Variants in COG5 observed in about 807,000 individuals in gnomAD.
COG5 encodes the protein component of oligomeric golgi complex 5.
In COG5, 86 loss-of-function variants were observed where a neutral mutation model predicts 110.4. That is an observed-to-expected ratio of 0.78 (90% CI 0.65 to 0.93). The LOEUF (loss-of-function observed/expected upper bound fraction) is 0.93, where lower values mean the gene tolerates loss of function less well. Ranked by LOEUF, COG5 falls within the 40% of genes least tolerant of loss-of-function variation. COG5 has a pLI of 0.00. For synonymous variants in COG5, 360 were observed against 334.6 expected, an observed-to-expected ratio of 1.08 and a Z score of -0.83; for missense variants, 1,077 against 987.0, an observed-to-expected ratio of 1.09 and a Z score of -1.22.
intron 6 of COG5, among the ~76,000 whole-genome samples, chr7:107,415,779 C>CAT: frequency 3.5e-5 from 5 of 141,100 alleles, no homozygotes; most frequent in Non-Finnish European, 4.7e-5. Context: ...TATATACACA[C>CAT]ACATACACGT....
intron 17 of COG5, among the ~76,000 whole-genome samples, chr7:107,241,944 G>T (rs548089800): frequency 6.6e-6 from 1 of 151,942 alleles, no homozygotes; most frequent in Non-Finnish European, 1.5e-5. Context: ...ACGACACCCA[G>T]CTAATTTTTG....
At chr7:107,295,064 C>CATATATATATAT (rs1806588618) in intron 12 of COG5, among the ~76,000 whole-genome samples, 2 of 54,384 alleles carry the variant, frequency 3.7e-5, no homozygotes, top group African/African-American at 2.6e-4. Flanking sequence ...CACACACACA[C>CATATATATATAT]ACATATATAT....
In COG5 at chr7:107,302,640, T is replaced by C. The variant is rs1020784220; in HGVS notation, c.1109-4294A>G. ...ATGCACCATGGGCCTCAAGTAACAC[T>C]ATATGTTCTTTCACGGCATGCCAAT... is the stretch of plus-strand genomic sequence containing the variant. On this transcript the variant is annotated intron_variant, in intron 11 of 21. Transcript: ENST00000297135. Among the ~76,000 whole-genome samples the C allele has an allele frequency of 2.0e-5, 3 of 152,192 alleles. 1 individual carries two copies. The highest frequency in any genetic ancestry group is 4.1e-4 in the South Asian group (2 of 4,824).
chr7:107,520,356 GTC>G (rs1563080059), intron 6 of COG5, among the ~76,000 whole-genome samples: 1 of 152,078 alleles, frequency 6.6e-6, no homozygotes, highest in Admixed American at 6.6e-5. Context: ...AAGTCAAATT[GTC>G]TGTTTCCAGA....
chr7:107,540,630 A>T (rs138951006), intron 5 of COG5, among the ~76,000 whole-genome samples: 135 of 151,006 alleles, frequency 8.9e-4, no homozygotes, highest in Admixed American at 1.8e-3. Flanking sequence ...AAAAAGATCA[A>T]ACTGATTCCA....
At chr7:107,520,076 G>T (rs140013831) in intron 6 of COG5, among the ~76,000 whole-genome samples, 1 of 151,982 alleles carries the variant, frequency 6.6e-6, no homozygotes, top group Non-Finnish European at 1.5e-5. Flanking sequence ...ACAGAAAAGG[G>T]CTCTGATAAA....
chr7:107,368,347 A>G (rs1357338064), intron 8 of COG5, among the ~76,000 whole-genome samples: 1 of 152,136 alleles, frequency 6.6e-6, no homozygotes, highest in Non-Finnish European at 1.5e-5. Context: ...GGGCTAAACT[A>G]TGGTGCTTAA....
intron 10 of COG5, among the ~76,000 whole-genome samples, chr7:107,328,573 A>C (rs1021321142): frequency 1.3e-5 from 2 of 152,186 alleles, no homozygotes; most frequent in African/African-American, 4.8e-5. Context: ...AAAATAGTCA[A>C]ACTCTTAGAA....
At chr7:107,243,144 A>T (rs1801778025) in intron 17 of COG5, among the ~76,000 whole-genome samples, 1 of 152,196 alleles carries the variant, frequency 6.6e-6, no homozygotes, top group Non-Finnish European at 1.5e-5. Flanking sequence ...TTCAACAAGA[A>T]GATTTAACAA....
intron 10 of COG5, among the ~76,000 whole-genome samples, chr7:107,346,014 T>C (rs1811572469): frequency 6.6e-6 from 1 of 152,174 alleles, no homozygotes. Flanking sequence ...ACAGAACCAA[T>C]AATATCTTTC....
At chr7:107,341,114 G>GT (rs1361532727) in intron 10 of COG5, among the ~76,000 whole-genome samples, 1 of 151,998 alleles carries the variant, frequency 6.6e-6, no homozygotes, top group Non-Finnish European at 1.5e-5. Flanking sequence ...ATATAATCCT[G>GT]TAACTAAAAA....
intron 19 of COG5, among the ~76,000 whole-genome samples, chr7:107,225,960 T>C (rs905318944): frequency 1.3e-5 from 2 of 152,026 alleles, no homozygotes; most frequent in Non-Finnish European, 1.5e-5. Context: ...GGAGAATCGC[T>C]TGAATCTGGG....
At chr7:107,426,313 G>A (rs1381276206) in intron 6 of COG5, among the ~76,000 whole-genome samples, 1 of 152,130 alleles carries the variant, frequency 6.6e-6, no homozygotes, top group Non-Finnish European at 1.5e-5. Flanking sequence ...ATCAAACTGA[G>A]GCACACAGCA....
intron 6 of COG5, among the ~76,000 whole-genome samples, chr7:107,510,477 T>A (rs538130365): frequency 3.5e-4 from 54 of 152,118 alleles, no homozygotes; most frequent in Admixed American, 7.9e-4. Context: ...CTGTCAACAT[T>A]AGACAGATCA....
chr7:107,281,424 A>G, intron 13 of COG5, 25 bp from the exon 14 acceptor site: 1 of 1,484,352 alleles, frequency 6.7e-7, no homozygotes, highest in Middle Eastern at 1.7e-4. Context: ...AACAGTTTTT[A>G]AATATTAGCA....
chr7:107,558,166 C>T (rs1181385275), intron 1 of COG5, 51 bp from the exon 2 acceptor site: 1 of 1,568,354 alleles, frequency 6.4e-7, no homozygotes, highest in Non-Finnish European at 8.8e-7. Flanking sequence ...TGTACTAAAC[C>T]AGTTATTAAA....
chr7:107,391,060 G>A (rs1410836396), intron 7 of COG5, among the ~76,000 whole-genome samples: 1 of 152,098 alleles, frequency 6.6e-6, no homozygotes, highest in African/African-American at 2.4e-5. Context: ...ACTAACCTTT[G>A]ACCATCCACG....
At chr7:107,400,217 A>G (rs1791323620) in intron 7 of COG5, among the ~76,000 whole-genome samples, 1 of 152,190 alleles carries the variant, frequency 6.6e-6, no homozygotes, top group Admixed American at 6.5e-5. Context: ...TGACATAATA[A>G]AAGAGGAACA....
At chr7:107,543,079 GAT>G (rs1802160036) in intron 5 of COG5, among the ~76,000 whole-genome samples, 1 of 152,024 alleles carries the variant, frequency 6.6e-6, no homozygotes, top group Non-Finnish European at 1.5e-5. Flanking sequence ...AAATCAATGT[GAT>G]ATGTTTATGA....
Sources: gnomAD v4.1 joint callset for allele counts (sites outside exome capture counted in the v4.1 genomes callset) on GRCh38, gnomAD v4.1.1 for gene constraint, MANE v1.5 for transcripts, NCBI Gene and HGNC (gene_info 2026-07-23, HGNC 2026-07-21) for gene names.